Variants in RNF130 observed in about 807,000 individuals in gnomAD.
RNF130 encodes E3 ubiquitin-protein ligase RNF130.
Under a neutral mutation model 44.6 loss-of-function variants are expected in RNF130, and 21 were observed. The ratio of observed to expected loss-of-function variants is 0.47; its 90% CI spans 0.33 to 0.68. RNF130 has a LOEUF of 0.68. Ranked by LOEUF, RNF130 falls within the 30% of genes least tolerant of loss-of-function variation. RNF130 has a pLI of 0.02. For missense variants in RNF130, 479 were observed against 560.6 expected, an observed-to-expected ratio of 0.85 and a Z score of 1.47; for synonymous variants, 214 against 210.4, an observed-to-expected ratio of 1.02 and a Z score of -0.15.
At chr5:179,943,597 G>A (rs1582132161) in intron 7 of RNF130, among the ~76,000 whole-genome samples, 1 of 152,216 alleles carries the variant, frequency 6.6e-6, no homozygotes, top group Non-Finnish European at 1.5e-5. Context: ...CAACCTGCCT[G>A]CAAGATAGAT....
intron 1 of RNF130, among the ~76,000 whole-genome samples, chr5:180,067,676 T>C (rs1765139197): frequency 6.6e-6 from 1 of 152,218 alleles, no homozygotes; most frequent in African/African-American, 2.4e-5. Context: ...TGCCAGCCTA[T>C]TTATGTTAAA....
Position 179,966,812 on chromosome 5 carries a change from C to A in RNF130, c.1144G>T (p.Val382Leu), listed in dbSNP as rs1762459380. 3.1e-6 allele frequency: 5 copies of A among 1,613,564 alleles called. No homozygotes were observed. Among genetic ancestry groups the A allele is most frequent in the Non-Finnish European group, 3.4e-6 (4 of 1,179,756 alleles). ...AGCGGAGGCCCCCACTTACTTGTTA[C>A]TGCAATGTTGATTTCTCCTGTTCTC... is the stretch of plus-strand genomic sequence containing the variant. ...TPRTGEINIA[V>L]TKEWFIIASF... The change falls in exon 7 of 9, where the codon GTA becomes TTA. Residue 382 changes from valine (V) to leucine (L), a missense_variant. Physicochemically the swap from Val to Leu is conservative, Grantham distance 32. Transcript: ENST00000521389.
intron 7 of RNF130, among the ~76,000 whole-genome samples, chr5:179,923,526 G>A (rs577608372): frequency 3.3e-5 from 5 of 152,170 alleles, no homozygotes; most frequent in Admixed American, 6.5e-5. Context: ...GACTGTAACC[G>A]ATTCTTGTAC....
intron 7 of RNF130, among the ~76,000 whole-genome samples, chr5:179,937,904 C>CTGTG (rs757837790): frequency 0.018 from 2,197 of 119,088 alleles, 32 homozygotes; most frequent in African/African-American, 0.046. Flanking sequence ...TTCAATGAAT[C>CTGTG]TGTGTGTGTG....
intron 7 of RNF130, among the ~76,000 whole-genome samples, chr5:179,920,779 T>TA (rs1561658045): frequency 2.9e-5 from 4 of 137,982 alleles, no homozygotes; most frequent in South Asian, 2.2e-4. Flanking sequence ...GCATATATAT[T>TA]TATATATATA....
chr5:179,973,863 T>C (rs1212019171), intron 5 of RNF130, among the ~76,000 whole-genome samples: 1 of 152,174 alleles, frequency 6.6e-6, no homozygotes, highest in East Asian at 1.9e-4. Flanking sequence ...AGCACAAGCA[T>C]ACTGAGCGCC....
chr5:179,934,129 T>C (rs780221991), intron 7 of RNF130: 11 of 247,492 alleles, frequency 4.4e-5, no homozygotes, highest in Non-Finnish European at 8.7e-5. Context: ...AAGAACCTGG[T>C]GTTTGCCTCT....
chr5:180,040,380 G>A (rs796440716), intron 2 of RNF130, 73 bp downstream of exon 2: 3 of 1,368,560 alleles, frequency 2.2e-6, no homozygotes, highest in African/African-American at 2.9e-5. Flanking sequence ...CTTCAGCAGA[G>A]GCAGAATGCT....
intron 7 of RNF130, among the ~76,000 whole-genome samples, chr5:179,964,802 T>C (rs773973804): frequency 2.0e-5 from 3 of 152,344 alleles, no homozygotes; most frequent in Middle Eastern, 3.4e-3. Context: ...AAATGCTTAG[T>C]AAACCCCTAT....
At chr5:180,015,987 T>C (rs138778225) in intron 2 of RNF130, among the ~76,000 whole-genome samples, 1 of 152,186 alleles carries the variant, frequency 6.6e-6, no homozygotes, top group Non-Finnish European at 1.5e-5. Flanking sequence ...CTGCTCTTGA[T>C]GCAAAAATCC....
At chr5:179,982,607 G>A (rs1762863786) in intron 3 of RNF130, among the ~76,000 whole-genome samples, 2 of 152,032 alleles carry the variant, frequency 1.3e-5, no homozygotes, top group Admixed American at 1.3e-4. Flanking sequence ...ACAAGGTCTT[G>A]CTCTGCTTCC....
At chr5:179,950,869 C>G (rs895046658), downstream of RNF130, among the ~76,000 whole-genome samples, 2 of 152,030 alleles carry the variant, frequency 1.3e-5, no homozygotes, top group Non-Finnish European at 2.9e-5. Context: ...AATGAATCAC[C>G]GTTAAATAAG....
intron 5 of RNF130, among the ~76,000 whole-genome samples, chr5:179,975,621 G>T (rs1283075564): frequency 6.6e-6 from 1 of 152,188 alleles, no homozygotes; most frequent in Non-Finnish European, 1.5e-5. Context: ...ACAGCTTGGT[G>T]ATGCGTGGAG....
intron 7 of RNF130, among the ~76,000 whole-genome samples, chr5:179,941,095 T>G (rs1761964271): frequency 6.6e-6 from 1 of 152,220 alleles, no homozygotes; most frequent in Non-Finnish European, 1.5e-5. Context: ...CTTAATTATT[T>G]TAAAAGTCTG....
Position 180,053,825 on chromosome 5 carries a change from C to CT in RNF130, c.248-13179dup, listed in dbSNP as rs56130424. Among the ~76,000 whole-genome samples the CT allele has an allele frequency of 1.9e-3, 255 of 133,224 alleles. 2 individuals are homozygous for CT. Among genetic ancestry groups the CT allele is most frequent in the African/African-American group, 6.0e-3 (222 of 37,180 alleles). The allele number at this position is 133,224 out of a possible 152,430, so 87.4% of individuals were successfully genotyped here. The stretch of plus-strand genomic sequence containing the variant: ...GAGACTGTAAAAAAGCAAATACATT[C>CT]TTTTTTTTTTTTTTTTTAATTTGAG... On this transcript the variant is annotated intron_variant, in intron 1 of 8. Transcript: ENST00000521389.
At chr5:180,002,797 C>T (rs775713157) in intron 3 of RNF130, among the ~76,000 whole-genome samples, 1 of 152,082 alleles carries the variant, frequency 6.6e-6, no homozygotes, top group African/African-American at 2.4e-5. Context: ...TCGGATGCAC[C>T]CCTGTACTCT....
At chr5:180,026,017 C>T (rs1193552538) in intron 2 of RNF130, among the ~76,000 whole-genome samples, 2 of 151,362 alleles carry the variant, frequency 1.3e-5, no homozygotes, top group Admixed American at 6.6e-5. Flanking sequence ...TGACATTTTT[C>T]TATTCAATGC....
At chr5:179,915,944 A>G (rs1453519135) in exon 8 of RNF130, 2 of 152,180 alleles carry the variant, frequency 1.3e-5, no homozygotes, top group African/African-American at 4.8e-5. Flanking sequence ...TGAACAGCCA[A>G]CATCTTAATG....
intron 3 of RNF130, among the ~76,000 whole-genome samples, chr5:180,000,497 T>TTC (rs760226713): frequency 4.7e-4 from 72 of 152,354 alleles, no homozygotes; most frequent in Non-Finnish European, 9.6e-4. Flanking sequence ...GCCTTTCCCC[T>TTC]TCTCTCCTTC....
Sources: gnomAD v4.1 joint callset for allele counts (sites outside exome capture counted in the v4.1 genomes callset) on GRCh38, gnomAD v4.1.1 for gene constraint, MANE v1.5 for transcripts, NCBI Gene and HGNC (gene_info 2026-07-23, HGNC 2026-07-21) for gene names.